CDH18: variants seen among roughly 807,000 people sequenced by gnomAD.
CDH18 encodes the protein cadherin-18.
A neutral mutation model predicts 67.9 loss-of-function variants in CDH18; 31 were observed. That is an observed-to-expected ratio of 0.46 (90% CI 0.34 to 0.62). CDH18 has a LOEUF of 0.62. Among genes scored for constraint, CDH18 ranks in the 20% least tolerant of loss-of-function variants. The probability of loss-of-function intolerance (pLI) is 0.01; values close to 1 mark genes in which losing one functional copy is unlikely to be tolerated. For missense variants in CDH18, 890 were observed against 975.5 expected (o/e 0.91, Z 1.17); for synonymous variants, 362 against 347.2 (o/e 1.04, Z -0.48).
intron 2 of CDH18, among the ~76,000 whole-genome samples, chr5:19,923,890 C>T (rs1312566931): frequency 1.3e-5 from 2 of 152,186 alleles, no homozygotes; most frequent in East Asian, 1.9e-4. Flanking sequence ...CTGTTGTTCA[C>T]CTCTTGTGGA....
intron 2 of CDH18, among the ~76,000 whole-genome samples, chr5:19,863,113 T>C (rs1785079950): frequency 6.6e-6 from 1 of 152,052 alleles, no homozygotes. Context: ...ATAGGGGTTG[T>C]CCCTGGTTGT....
intron 1 of CDH18, among the ~76,000 whole-genome samples, chr5:20,550,209 T>C (rs1405789165): frequency 1.3e-5 from 2 of 152,192 alleles, no homozygotes; most frequent in Non-Finnish European, 2.9e-5. Context: ...TGGTAAACTG[T>C]TATGCTATTG....
Position 20,156,610 on chromosome 5 carries a change from G to A in CDH18, c.-518+98834C>T, listed in dbSNP as rs149672713. ...GGGGGAGAGATCAAATACTACCTACGGAATACAATGTACACTATTCAGGTG... is the reference window on the plus strand; with the variant it reads ...GGGGGAGAGATCAAATACTACCTACAGAATACAATGTACACTATTCAGGTG... On this transcript the variant is annotated intron_variant, in intron 2 of 14. Transcript: ENST00000507958. Among the ~76,000 whole-genome samples, 75 of 152,024 alleles carry A rather than the reference G, an allele frequency of 4.9e-4. No homozygotes were observed. In the East Asian group the frequency reaches 0.012, roughly 24 times the overall value.
chr5:19,958,775 A>T (rs1380931709), intron 2 of CDH18, among the ~76,000 whole-genome samples: 2 of 151,990 alleles, frequency 1.3e-5, no homozygotes, highest in Non-Finnish European at 2.9e-5. Context: ...AACAAACGAG[A>T]CATGAGAACA....
intron 9 of CDH18, among the ~76,000 whole-genome samples, chr5:19,527,652 G>A (rs928670346): frequency 2.6e-5 from 4 of 151,718 alleles, no homozygotes; most frequent in Admixed American, 1.3e-4. Context: ...TTATTTCATA[G>A]GAAGGAGCAT....
At chr5:20,383,682 T>C (rs1034127890) in intron 1 of CDH18, among the ~76,000 whole-genome samples, 2 of 152,164 alleles carry the variant, frequency 1.3e-5, no homozygotes, top group African/African-American at 4.8e-5. Flanking sequence ...CCAAAATGCC[T>C]TTTTGGATAC....
At position 19,802,961 on chromosome 5, in the gene CDH18, C is replaced by T. The variant is rs563076012; in HGVS notation, c.228+35798G>A. Among the ~76,000 whole-genome samples, 7 of 152,352 alleles carry T rather than the reference C, an allele frequency of 4.6e-5. No individual in the cohort carries two copies. In the East Asian group the frequency reaches 1.3e-3, roughly 29 times the overall value. On this transcript the variant is annotated intron_variant, in intron 3 of 12. Coordinates refer to ENST00000382275, the MANE Select transcript of CDH18 (RefSeq NM_004934.5). ...GGCTGCACTTTCAGCTATTCAGCCT[C>T]CCTCGGTTTCTGTTTTATTTTCACC...
At chr5:20,083,165 G>A (rs1206789903) in intron 2 of CDH18, among the ~76,000 whole-genome samples, 1 of 152,142 alleles carries the variant, frequency 6.6e-6, no homozygotes, top group Non-Finnish European at 1.5e-5. Context: ...AGTGATAAAT[G>A]GGCACTTAGA....
At chr5:19,960,679 GTATA>G (rs1425761018) in intron 2 of CDH18, among the ~76,000 whole-genome samples, 1 of 126,552 alleles carries the variant, frequency 7.9e-6, no homozygotes, top group East Asian at 2.1e-4. Flanking sequence ...GTATATATAT[GTATA>G]CATATACACG....
At chr5:19,865,995 C>G (rs1237999692) in intron 2 of CDH18, among the ~76,000 whole-genome samples, 1 of 152,158 alleles carries the variant, frequency 6.6e-6, no homozygotes, top group Non-Finnish European at 1.5e-5. Context: ...CACTTATATT[C>G]TCCTCCTATC....
intron 2 of CDH18, among the ~76,000 whole-genome samples, chr5:20,174,714 G>GT (rs1225146737): frequency 1.3e-5 from 2 of 152,084 alleles, no homozygotes; most frequent in Non-Finnish European, 2.9e-5. Context: ...TACAATTTGT[G>GT]TGTAAAATGA....
chr5:20,545,090 T>C (rs12514793), intron 1 of CDH18, among the ~76,000 whole-genome samples: 67,048 of 152,026 alleles, frequency 0.44, 15,217 homozygotes, highest in East Asian at 0.57. Flanking sequence ...AATCTTAAAG[T>C]TCAAAATATT....
intron 10 of CDH18, among the ~76,000 whole-genome samples, chr5:19,517,269 T>C (rs961209240): frequency 2.0e-5 from 3 of 152,178 alleles, no homozygotes; most frequent in Admixed American, 6.6e-5. Flanking sequence ...GCTCTTTCTA[T>C]GTCCTTGTCA....
intron 3 of CDH18, among the ~76,000 whole-genome samples, chr5:19,770,504 A>C (rs1029492423): frequency 1.3e-5 from 2 of 152,210 alleles, no homozygotes; most frequent in Non-Finnish European, 1.5e-5. Flanking sequence ...TTAATGTGAC[A>C]ATATAATTTA....
intron 1 of CDH18, among the ~76,000 whole-genome samples, chr5:20,501,487 T>TAC (rs1754255545): frequency 2.7e-5 from 2 of 73,544 alleles, no homozygotes; most frequent in Non-Finnish European, 2.8e-5. Context: ...ACATATTATA[T>TAC]ATATTTTATA....
At chr5:19,769,270 T>G (rs1194421212) in intron 3 of CDH18, among the ~76,000 whole-genome samples, 2 of 152,024 alleles carry the variant, frequency 1.3e-5, no homozygotes, top group Non-Finnish European at 2.9e-5. Context: ...GCTATCAAAC[T>G]CCTAGAAGAC....
chr5:19,501,176 A>ATATATATAATTACAATTACATATATAAAC (rs1743170993), intron 11 of CDH18, among the ~76,000 whole-genome samples: 1 of 147,660 alleles, frequency 6.8e-6, no homozygotes. Context: ...TATATATAAA[A>ATATATATAATTACAATTACATATATAAAC]ATATATATAA....
At chr5:20,050,695 G>T (rs1168468105) in intron 2 of CDH18, among the ~76,000 whole-genome samples, 2 of 151,874 alleles carry the variant, frequency 1.3e-5, no homozygotes, top group Admixed American at 1.3e-4. Context: ...TTAATGCTTA[G>T]CCATAGGCAG....
intron 2 of CDH18, among the ~76,000 whole-genome samples, chr5:19,909,989 T>C (rs888856350): frequency 5.9e-5 from 9 of 152,210 alleles, no homozygotes; most frequent in Non-Finnish European, 1.2e-4. Flanking sequence ...CAGTTTAGTC[T>C]GTGAGTTCAT....
Sources: allele counts gnomAD v4.1 joint callset (sites outside exome capture counted in the v4.1 genomes callset), GRCh38; gene constraint gnomAD v4.1.1; transcripts MANE v1.5; gene names NCBI Gene and HGNC (gene_info 2026-07-23, HGNC 2026-07-21).